The following SLC9A9 variants were observed in gnomAD, a reference collection of about 807,000 sequenced individuals.
SLC9A9 encodes the protein sodium/hydrogen exchanger 9.
A neutral mutation model predicts 77.8 loss-of-function variants in SLC9A9; 62 were observed. That is an observed-to-expected ratio of 0.80 (90% CI 0.65 to 0.98). The LOEUF (loss-of-function observed/expected upper bound fraction) is 0.98, where lower values mean the gene tolerates loss of function less well. Ranked by LOEUF, SLC9A9 falls within the 50% of genes least tolerant of loss-of-function variation. The pLI is 0.00. For missense variants in SLC9A9, 775 were observed against 774.9 expected (o/e 1.00, Z 0.00); for synonymous variants, 320 against 283.5 (o/e 1.13, Z -1.29).
chr3:143,606,625 G>A (rs1411172792), intron 6 of SLC9A9, among the ~76,000 whole-genome samples: 1 of 149,948 alleles, frequency 6.7e-6, no homozygotes, highest in Non-Finnish European at 1.5e-5. Flanking sequence ...TACAATGAAA[G>A]AATAGGACTC....
chr3:143,704,235 T>C (rs1476077580), intron 4 of SLC9A9, among the ~76,000 whole-genome samples: 1 of 152,160 alleles, frequency 6.6e-6, no homozygotes. Flanking sequence ...GAGGCCAGTA[T>C]TATCCTCATA....
chr3:143,720,999 T>C (rs546187196), intron 4 of SLC9A9, among the ~76,000 whole-genome samples: 1 of 152,302 alleles, frequency 6.6e-6, no homozygotes, highest in African/African-American at 2.4e-5. Flanking sequence ...ACTTGAGCCC[T>C]AGAGTTCGAG....
rs111531862 is a variant in SLC9A9, at chr3:143,467,727, A to AAGAGAGAGAG, written c.1316-547_1316-538dup. ...GTGACAGAATAAGTCCCTGGCTCTA[A>AAGAGAGAGAG]AGAGAGAGAGAGAGAGAGAGAGAGA... On this transcript the variant is annotated intron_variant, in intron 11 of 15. Coordinates refer to ENST00000316549, the MANE Select transcript of SLC9A9 (RefSeq NM_173653.4). 5.6e-3 allele frequency among the ~76,000 whole-genome samples: 816 copies of AAGAGAGAGAG among 144,780 alleles called. 3 individuals carry two copies. The highest frequency in any genetic ancestry group is 0.012 in the African/African-American group (478 of 40,318). The allele number at this position is 144,780 out of a possible 152,430, so 95.0% of individuals were successfully genotyped here.
chr3:143,344,368 A>G lies in SLC9A9; in HGVS notation c.1604+19116T>C, dbSNP rs575077867. The G allele has an allele frequency of 3.3e-5, 5 of 152,296 alleles. No individual in the cohort carries two copies. The South Asian group carries it at 8.3e-4, about 25-fold the overall frequency. The allele number at this position is 152,296 out of a possible 1,614,324, so 9.4% of individuals were successfully genotyped here. A position where few individuals can be genotyped will look rare whatever the true frequency, so the allele number is the denominator to read the frequency against. On this transcript the variant is annotated intron_variant, in intron 14 of 15. Transcript: ENST00000316549. ...CTAGTGTATAAGCAGTCAAGACTAA[A>G]AGAGAATAGGGCAAAATATTCATTC...
intron 6 of SLC9A9, among the ~76,000 whole-genome samples, chr3:143,603,065 A>T (rs2037868222): frequency 6.6e-6 from 1 of 152,238 alleles, no homozygotes; most frequent in South Asian, 2.1e-4. Flanking sequence ...TGGGAAAGAA[A>T]TATGCAAACT....
chr3:143,310,425 A>G (rs1031156032), intron 14 of SLC9A9, among the ~76,000 whole-genome samples: 3 of 151,922 alleles, frequency 2.0e-5, no homozygotes, highest in South Asian at 2.1e-4. Context: ...TGGGGCTGCT[A>G]TGAATTTTCA....
chr3:143,552,800 C>T (rs1448891456), intron 8 of SLC9A9, among the ~76,000 whole-genome samples: 2 of 152,128 alleles, frequency 1.3e-5, no homozygotes, highest in East Asian at 3.8e-4. Flanking sequence ...ATAGCCAGTG[C>T]CAACTACTTT....
intron 9 of SLC9A9, among the ~76,000 whole-genome samples, chr3:143,544,042 T>C (rs1368063011): frequency 1.8e-5 from 2 of 110,948 alleles, no homozygotes; most frequent in Non-Finnish European, 3.9e-5. Context: ...CACTAGCATC[T>C]GCTTTTTTAA....
chr3:143,803,559 A>G (rs2008625861), intron 2 of SLC9A9, among the ~76,000 whole-genome samples: 1 of 152,240 alleles, frequency 6.6e-6, no homozygotes, highest in Non-Finnish European at 1.5e-5. Flanking sequence ...TCCCTCTTAG[A>G]GTGGATAGAG....
At chr3:143,762,614 A>G (rs972525887) in intron 4 of SLC9A9, among the ~76,000 whole-genome samples, 3 of 152,116 alleles carry the variant, frequency 2.0e-5, no homozygotes, top group Middle Eastern at 3.2e-3. Flanking sequence ...GAGGCAATAA[A>G]ACTACCTAGA....
At chr3:143,490,734 TGC>T (rs1183410530) in intron 11 of SLC9A9, among the ~76,000 whole-genome samples, 1 of 152,204 alleles carries the variant, frequency 6.6e-6, no homozygotes, top group African/African-American at 2.4e-5. Context: ...TATCCCATCT[TGC>T]TGTGGCTATG....
At chr3:143,613,840 A>G (rs941490059) in intron 6 of SLC9A9, among the ~76,000 whole-genome samples, 1 of 152,134 alleles carries the variant, frequency 6.6e-6, no homozygotes, top group Admixed American at 6.5e-5. Flanking sequence ...ATTGCTTTAG[A>G]CCTTATTGTA....
At chr3:143,447,188 G>A (rs1447583500) in intron 12 of SLC9A9, among the ~76,000 whole-genome samples, 1 of 152,146 alleles carries the variant, frequency 6.6e-6, no homozygotes, top group Non-Finnish European at 1.5e-5. Flanking sequence ...ACAACCCAAT[G>A]AGAAATTAAT....
chr3:143,505,582 A>G (rs2036000592), intron 9 of SLC9A9, among the ~76,000 whole-genome samples: 1 of 152,076 alleles, frequency 6.6e-6, no homozygotes, highest in African/African-American at 2.4e-5. Flanking sequence ...TCTTTGTTTG[A>G]GAATTTTGGG....
At chr3:143,839,631 C>T (rs150853361) in intron 1 of SLC9A9, among the ~76,000 whole-genome samples, 1 of 152,192 alleles carries the variant, frequency 6.6e-6, no homozygotes, top group African/African-American at 2.4e-5. Flanking sequence ...AACACATACA[C>T]ATATACACAA....
chr3:143,835,152 T>A (rs2009537129), intron 1 of SLC9A9, among the ~76,000 whole-genome samples: 1 of 152,218 alleles, frequency 6.6e-6, no homozygotes, highest in Non-Finnish European at 1.5e-5. Context: ...GGATCAGGCC[T>A]GCATCAAAAC....
At chr3:143,609,323 A>C (rs756245887) in intron 6 of SLC9A9, among the ~76,000 whole-genome samples, 2 of 152,234 alleles carry the variant, frequency 1.3e-5, no homozygotes, top group Non-Finnish European at 2.9e-5. Flanking sequence ...GTGAAGACAA[A>C]GATATGGAAT....
intron 14 of SLC9A9, among the ~76,000 whole-genome samples, chr3:143,340,903 A>G (rs74398429): frequency 0.018 from 2,798 of 152,312 alleles, 89 homozygotes; most frequent in African/African-American, 0.065. Flanking sequence ...TTTGCTAGTC[A>G]TTAGTGCAGA....
At chr3:143,636,048 T>C (rs1450120784) in intron 6 of SLC9A9, among the ~76,000 whole-genome samples, 2 of 152,312 alleles carry the variant, frequency 1.3e-5, no homozygotes, top group East Asian at 3.9e-4. Flanking sequence ...GGCTTAAAAA[T>C]ATATGTTGTG....
Sources: gnomAD v4.1 joint callset for allele counts (sites outside exome capture counted in the v4.1 genomes callset) on GRCh38, gnomAD v4.1.1 for gene constraint, MANE v1.5 for transcripts, NCBI Gene and HGNC (gene_info 2026-07-23, HGNC 2026-07-21) for gene names.